Variants in TEX13B observed in about 807,000 individuals in gnomAD.
The protein encoded by TEX13B is testis expressed 13B.
In TEX13B, 5 loss-of-function variants were observed where a neutral mutation model predicts 11.2. That is an observed-to-expected ratio of 0.44 (90% confidence interval 0.23 to 0.93). The LOEUF is 0.93. Ranked by LOEUF, TEX13B falls within the 40% of genes least tolerant of loss-of-function variation. The pLI is 0.23. For missense variants in TEX13B, 213 were observed against 244.2 expected, an observed-to-expected ratio of 0.87 and a Z score of 0.85; for synonymous variants, 115 against 100.9, an observed-to-expected ratio of 1.14 and a Z score of -0.84.
Position 107,981,579 on chromosome X carries a change from G to A in TEX13B, c.460-20C>T, listed in dbSNP as rs771105952. The A allele has an allele frequency of 1.7e-6, 2 of 1,206,631 alleles. No individual in the cohort carries two copies. The highest frequency in any genetic ancestry group is 2.2e-5 in the Admixed American group (1 of 45,893). On this transcript the variant is annotated intron_variant, in intron 2 of 2. Coordinates refer to ENST00000302917, the MANE Select transcript of TEX13B (RefSeq NM_031273.2). ...CAGCTCCTGGAGAGAAGTAGGCAGAGCTGAAACACATTCTGGGGACAGGGC... is the reference window on the plus strand; with the variant it reads ...CAGCTCCTGGAGAGAAGTAGGCAGAACTGAAACACATTCTGGGGACAGGGC...
rs1259675264 is a variant in TEX13B, at chrX:107,982,141, C to T, written c.-14G>A. 1 of 1,177,290 alleles carries T rather than the reference C, an allele frequency of 8.5e-7. No individual in the cohort carries two copies. Among genetic ancestry groups the T allele is most frequent in the African/African-American group, 1.8e-5 (1 of 56,814 alleles). ...TCTCAAGGCCATGATCGCCTAGGGG[C>T]TTAACGGTTTCACTAGCCCTGTGTG... On this transcript the variant is annotated 5_prime_UTR_variant, in exon 2 of 3. Transcript: ENST00000302917.
At position 107,981,840 on chromosome X, in the gene TEX13B, A is replaced by T. The variant is rs1036022595; in HGVS notation, c.288T>A (p.Phe96Leu). 33 of 1,209,081 alleles carry T rather than the reference A, an allele frequency of 2.7e-5. No individual in the cohort carries two copies. Among genetic ancestry groups the T allele is most frequent in the Non-Finnish European group, 3.6e-5 (32 of 894,268 alleles). ...QNRRVQWLQG[F>L]AKLHRSAALV... Reference sequence around the variant, plus strand: ...GCGCAGCTGATCTGTGCAGTTTGGCAAAGCCTTGCAGCCACTGCACCCTGC... The same window carrying T: ...GCGCAGCTGATCTGTGCAGTTTGGCTAAGCCTTGCAGCCACTGCACCCTGC... The change falls in exon 2 of 3, where the codon TTT becomes TTA. Residue 96 changes from phenylalanine to leucine, a missense_variant. Coordinates refer to ENST00000302917, the MANE Select transcript of TEX13B (RefSeq NM_031273.2).
At position 107,981,769 on chromosome X, in the gene TEX13B, ATCTCCT is replaced by A. The variant is rs368899513; in HGVS notation, c.353_358del (p.Gln118_Met120delinsLeu). The A allele has an allele frequency of 2.5e-6, 3 of 1,211,373 alleles. No individual in the cohort carries two copies. In the South Asian group the frequency reaches 5.3e-5, roughly 21 times the overall value. ...CTGGAAGGTCGCCTCATTGCATTCC[ATCTCCT>A]GCTGTTCCTTGAGTTCCGTCAGGTT... is the stretch of plus-strand genomic sequence containing the variant. On this transcript the variant is annotated inframe_deletion, in exon 2 of 3. Transcript: ENST00000302917.
rs1453941019 is a variant in TEX13B at position 107,982,090 on chromosome X, C to T, written c.38G>A (p.Arg13Gln). 1.7e-6 allele frequency: 2 copies of T among 1,205,992 alleles called. No individual in the cohort carries two copies. The highest frequency in any genetic ancestry group is 3.0e-5 in the East Asian group (1 of 33,696). Residue 13 changes from arginine (R) to glutamine (Q), a missense_variant, in exon 2 of 3, where the codon CGG (arginine) becomes CAG (glutamine). Arg to Gln is a conservative substitution (Grantham distance 43). Coordinates refer to ENST00000302917, the MANE Select transcript of TEX13B (RefSeq NM_031273.2). ...GATGAAGGCCACCACGTTTCCGTGCCGGAACCCACTACTGGGGTCCTCAGG... is the reference window on the plus strand; with the variant it reads ...GATGAAGGCCACCACGTTTCCGTGCTGGAACCCACTACTGGGGTCCTCAGG... ...LRPEDPSSGF[R>Q]HGNVVAFIIE... is the part of the protein sequence containing the mutation.
In TEX13B at chrX:107,981,676, A is replaced by G. The variant is rs1307389112; in HGVS notation, c.452T>C (p.Phe151Ser). The G allele has an allele frequency of 8.4e-7, 1 of 1,194,059 alleles. No individual in the cohort carries two copies. Among genetic ancestry groups the G allele is most frequent in the Non-Finnish European group, 1.1e-6 (1 of 885,377 alleles). The change falls in exon 2 of 3, where the codon TTC (phenylalanine) becomes TCC (serine). Residue 151 changes from phenylalanine to serine, a missense_variant. Coordinates refer to ENST00000302917, the MANE Select transcript of TEX13B (RefSeq NM_031273.2). ...CCATTCGGGGGATCTTACGGCATGGAAGAGCTTCCATCTCAGCATGTCCCG... is the reference window on the plus strand; with the variant it reads ...CCATTCGGGGGATCTTACGGCATGGGAGAGCTTCCATCTCAGCATGTCCCG... ...RERDMLRWKL[F>S]HAELAPPQGQ...
At position 107,981,016 on chromosome X, in the gene TEX13B, C is replaced by T; in HGVS notation, c.*64G>A. ...TCTGCTGATGGAGTTCGGAGTCTCT[C>T]CTGTCTCTTGGGGGCTCTTGAGGGT... On this transcript the variant is annotated 3_prime_UTR_variant, in exon 3 of 3. Transcript: ENST00000302917. 1 of 1,201,978 alleles carries T rather than the reference C, an allele frequency of 8.3e-7. No individual in the cohort carries two copies. The highest frequency in any genetic ancestry group is 1.1e-6 in the Non-Finnish European group (1 of 889,126).
rs751206004 is a variant in TEX13B at position 107,981,138 on chromosome X, G to A, written c.881C>T (p.Thr294Ile). The A allele has an allele frequency of 3.3e-6, 4 of 1,211,320 alleles. No homozygotes were observed. The highest frequency in any genetic ancestry group is 3.0e-5 in the East Asian group (1 of 33,790). The change falls in exon 3 of 3, where the codon ACC becomes ATC. Residue 294 changes from threonine (T) to isoleucine (I), a missense_variant. Coordinates refer to ENST00000302917, the MANE Select transcript of TEX13B (RefSeq NM_031273.2). Reference sequence around the variant, plus strand: ...GGAACCCGTTCTGTGACCTTTGCTGGTGAAGGGGGTATATTGGGTATGGCT... The same window carrying A: ...GGAACCCGTTCTGTGACCTTTGCTGATGAAGGGGGTATATTGGGTATGGCT... Reference protein sequence around the residue: ...LLSHTQYTPFTSKGHRTGSNS... With the variant: ...LLSHTQYTPFISKGHRTGSNS...
In TEX13B at chrX:107,982,042, G is replaced by T; in HGVS notation, c.86C>A (p.Thr29Lys). Residue 29 changes from threonine to lysine, a missense_variant, in exon 2 of 3, where the codon ACG becomes AAG. Thr to Lys is a moderately conservative substitution (Grantham distance 78, BLOSUM62 -1). Coordinates refer to ENST00000302917, the MANE Select transcript of TEX13B (RefSeq NM_031273.2). ...CTCGAAGTAGAACTCGGGGCCTTTCGTGTGCCTGGCCATTTTCTCGATGAT... is the reference window on the plus strand; with the variant it reads ...CTCGAAGTAGAACTCGGGGCCTTTCTTGTGCCTGGCCATTTTCTCGATGAT... ...AFIIEKMARH[T>K]KGPEFYFENI... 1 of 1,211,320 alleles carries T rather than the reference G, an allele frequency of 8.3e-7. No individual in the cohort carries two copies. Among genetic ancestry groups the T allele is most frequent in the African/African-American group, 1.7e-5 (1 of 57,767 alleles).
chrX:107,981,706 C>G lies in TEX13B; in HGVS notation c.422G>C (p.Arg141Thr). ...CTTCCATCTCAGCATGTCCCGCTCT[C>G]TCTGCACCTCCGCAAGGCTGGTCTC... ...LTETSLAEVQ[R>T]ERDMLRWKLF... The change falls in exon 2 of 3, where the codon AGA (arginine) becomes ACA (threonine). Residue 141 changes from arginine (R) to threonine (T), a missense_variant. Transcript: ENST00000302917. 1 of 1,207,038 alleles carries G rather than the reference C, an allele frequency of 8.3e-7. No homozygotes were observed. The highest frequency in any genetic ancestry group is 1.8e-5 in the South Asian group (1 of 56,089).
rs1933754414 is a variant in TEX13B, at chrX:107,980,991, T to C, written c.*89A>G. On this transcript the variant is annotated 3_prime_UTR_variant, in exon 3 of 3. Transcript: ENST00000302917. ...GGCCTGCGATATACTGGAGGTCTTC[T>C]CTGCTGATGGAGTTCGGAGTCTCTC... is the stretch of plus-strand genomic sequence containing the variant. The C allele has an allele frequency of 8.6e-7, 1 of 1,162,726 alleles. No homozygotes were observed. Among genetic ancestry groups the C allele is most frequent in the South Asian group, 1.8e-5 (1 of 54,886 alleles).
rs1398050542 is a variant in TEX13B at position 107,981,914 on chromosome X, G to C, written c.214C>G (p.Leu72Val). The change falls in exon 2 of 3, where the codon CTG becomes GTG. Residue 72 changes from leucine (L) to valine (V), a missense_variant. Leu to Val is a conservative substitution (Grantham distance 32). Transcript: ENST00000302917. Reference sequence around the variant, plus strand: ...TGGGCAAAGCGCACACCCAAGGCCAGGCTGCCCCAGGTGCAGGCCTCTTTG... The same window carrying C: ...TGGGCAAAGCGCACACCCAAGGCCACGCTGCCCCAGGTGCAGGCCTCTTTG... ...EVKEACTWGS[L>V]ALGVRFAHRQ... 1.7e-6 allele frequency: 2 copies of C among 1,208,391 alleles called. No individual in the cohort carries two copies. Among genetic ancestry groups the C allele is most frequent in the African/African-American group, 3.5e-5 (2 of 57,287 alleles).
chrX:107,981,543 TG>T lies in TEX13B; in HGVS notation c.475del (p.Gln159ArgfsTer71), dbSNP rs1285366692. 2.0e-5 allele frequency: 24 copies of T among 1,210,880 alleles called. No individual in the cohort carries two copies. The highest frequency in any genetic ancestry group is 2.7e-5 in the Non-Finnish European group (24 of 894,903). ...AAACACTGTAGCCTGGCCCTGTCCC[TG>T]GGGAGGTGCCAGCTCCTGGAGAGAA... The part of the protein sequence containing the change: ...KLFHAELAPP[Q>X]GQGQATVFPG... On this transcript the variant is annotated frameshift_variant, in exon 3 of 3. Coordinates refer to ENST00000302917, the MANE Select transcript of TEX13B (RefSeq NM_031273.2). LOFTEE classifies it low-confidence loss of function (END_TRUNC).
chrX:107,980,921 C>A lies in TEX13B; in HGVS notation c.*159G>T. On this transcript the variant is annotated 3_prime_UTR_variant, in exon 3 of 3. Transcript: ENST00000302917. ...CCCACAGAGGAAGCAATTTTCCCTC[C>A]ATGAAAAATTCACAGCTTTACACCA... 3 of 780,311 alleles carry A rather than the reference C, an allele frequency of 3.8e-6. No individual in the cohort carries two copies. Among genetic ancestry groups the A allele is most frequent in the South Asian group, 2.4e-5 (1 of 42,199 alleles). The allele number at this position is 780,311 out of a possible 1,213,427, so 64.3% of individuals were successfully genotyped here.
rs756470014 is a variant in TEX13B, at chrX:107,981,152, T to C, written c.867A>G (p.Gln289=). 9.7e-5 allele frequency: 117 copies of C among 1,208,915 alleles called. No homozygotes were observed. The highest frequency in any genetic ancestry group is 1.2e-4 in the Non-Finnish European group (106 of 894,892). Residue 289 remains glutamine, a synonymous_variant, in exon 3 of 3, where the codon CAA becomes CAG. Coordinates refer to ENST00000302917, the MANE Select transcript of TEX13B (RefSeq NM_031273.2). ...MPFVRLLSHT[Q]YTPFTSKGHR... ...GACCTTTGCTGGTGAAGGGGGTATA[T>C]TGGGTATGGCTGAGAAGGCGGACAA...
chrX:107,981,701 GCT>G lies in TEX13B; in HGVS notation c.425_426del (p.Glu142AlafsTer41). Reference sequence around the variant, plus strand: ...AAGAGCTTCCATCTCAGCATGTCCCGCTCTCTCTGCACCTCCGCAAGGCTGGT... The same window carrying G: ...AAGAGCTTCCATCTCAGCATGTCCCGCTCTCTGCACCTCCGCAAGGCTGGT... ...TETSLAEVQR[E>X]RDMLRWKLFH... On this transcript the variant is annotated frameshift_variant, in exon 2 of 3. Coordinates refer to ENST00000302917, the MANE Select transcript of TEX13B (RefSeq NM_031273.2). LOFTEE classifies it low-confidence loss of function (END_TRUNC). 8.3e-7 allele frequency: 1 copy of G among 1,203,963 alleles called. No homozygotes were observed. Among genetic ancestry groups the G allele is most frequent in the Non-Finnish European group, 1.1e-6 (1 of 890,858 alleles).
chrX:107,981,538 G>A lies in TEX13B; in HGVS notation c.481C>T (p.Gln161Ter), dbSNP rs1024590280. 1.7e-6 allele frequency: 2 copies of A among 1,211,295 alleles called. No individual in the cohort carries two copies. The highest frequency in any genetic ancestry group is 2.2e-6 in the Non-Finnish European group (2 of 895,083). The change falls in exon 3 of 3, where the codon CAG becomes TAG. Residue 161 changes from glutamine to a stop codon, truncating the protein, a stop_gained. Coordinates refer to ENST00000302917, the MANE Select transcript of TEX13B (RefSeq NM_031273.2). LOFTEE classifies it low-confidence loss of function (END_TRUNC). ...FHAELAPPQG[Q>*]GQATVFPGLA... ...CCTGGAAACACTGTAGCCTGGCCCT[G>A]TCCCTGGGGAGGTGCCAGCTCCTGG...
rs201466489 is a variant in TEX13B at position 107,981,704 on chromosome X, C to G, written c.424G>C (p.Glu142Gln). Reference protein sequence around the residue: ...TETSLAEVQRERDMLRWKLFH... With the variant: ...TETSLAEVQRQRDMLRWKLFH... ...AGCTTCCATCTCAGCATGTCCCGCT[C>G]TCTCTGCACCTCCGCAAGGCTGGTC... Residue 142 changes from glutamate to glutamine, a missense_variant, in exon 2 of 3, where the codon GAG becomes CAG. Coordinates refer to ENST00000302917, the MANE Select transcript of TEX13B (RefSeq NM_031273.2). 13 of 1,203,001 alleles carry G rather than the reference C, an allele frequency of 1.1e-5. No individual in the cohort carries two copies. In the East Asian group the frequency reaches 3.0e-4, roughly 28 times the overall value.
rs1462730038 is a variant in TEX13B at position 107,981,941 on chromosome X, C to T, written c.187G>A (p.Val63Ile). The T allele has an allele frequency of 8.3e-7, 1 of 1,209,932 alleles. No individual in the cohort carries two copies. Among genetic ancestry groups the T allele is most frequent in the African/African-American group, 1.7e-5 (1 of 57,300 alleles). ...ILEDSEVPSE[V>I]KEACTWGSLA... is the part of the protein sequence containing the mutation. ...CTGCCCCAGGTGCAGGCCTCTTTGA[C>T]CTCGCTGGGCACCTCGCTGTCCTCC... Residue 63 changes from valine (V) to isoleucine (I), a missense_variant, in exon 2 of 3, where the codon GTC (valine) becomes ATC (isoleucine). By Grantham distance (29) the Val-to-Ile change is conservative (BLOSUM62 3). Transcript: ENST00000302917.
rs199958232 is a variant in TEX13B at position 107,982,085 on chromosome X, C to T, written c.43G>A (p.Gly15Arg). 13 of 1,206,563 alleles carry T rather than the reference C, an allele frequency of 1.1e-5. No homozygotes were observed. Among genetic ancestry groups the T allele is most frequent in the Non-Finnish European group, 1.5e-5 (13 of 892,658 alleles). The change falls in exon 2 of 3, where the codon GGA becomes AGA. Residue 15 changes from glycine (G) to arginine (R), a missense_variant. By Grantham distance (125) the Gly-to-Arg change is moderately radical. Transcript: ENST00000302917. The part of the protein sequence containing the change: ...PEDPSSGFRH[G>R]NVVAFIIEKM... The stretch of plus-strand genomic sequence containing the variant: ...TCGATGATGAAGGCCACCACGTTTC[C>T]GTGCCGGAACCCACTACTGGGGTCC...
Sources: allele counts gnomAD v4.1 joint callset, GRCh38; gene constraint gnomAD v4.1.1; transcripts MANE v1.5; gene names NCBI Gene and HGNC (gene_info 2026-07-23, HGNC 2026-07-21).